Variants in CERT1 observed in about 807,000 individuals in gnomAD.
CERT1 encodes the protein ceramide transfer protein.
A neutral mutation model predicts 87.9 loss-of-function variants in CERT1; 31 were observed. The ratio of observed to expected loss-of-function variants is 0.35; its 90% confidence interval spans 0.27 to 0.48. The LOEUF (loss-of-function observed/expected upper bound fraction) is 0.48. Among genes scored for constraint, CERT1 ranks in the 20% least tolerant of loss-of-function variants. The pLI is 0.99. For missense variants in CERT1, 487 were observed against 758.0 expected (o/e 0.64, Z 4.20); for synonymous variants, 289 against 250.9 (o/e 1.15, Z -1.44).
intron 2 of CERT1, 73 bp downstream of exon 2, chr5:75,505,909 C>G (rs1767629399): frequency 8.6e-7 from 1 of 1,168,454 alleles, no homozygotes; most frequent in South Asian, 1.3e-5. Flanking sequence ...GTATCCTGAA[C>G]ACGTAGAACA....
chr5:75,480,800 G>A (rs1303331577), intron 2 of CERT1, among the ~76,000 whole-genome samples: 1 of 152,164 alleles, frequency 6.6e-6, no homozygotes, highest in African/African-American at 2.4e-5. Flanking sequence ...GAATTCATTA[G>A]CAAATCTGCA....
intron 2 of CERT1, among the ~76,000 whole-genome samples, chr5:75,483,482 A>G (rs1311463557): frequency 6.6e-6 from 1 of 152,232 alleles, no homozygotes; most frequent in African/African-American, 2.4e-5. Flanking sequence ...CGATAACAAC[A>G]GAGAAATTAA....
At chr5:75,468,160 A>C (rs1765551802) in intron 2 of CERT1, among the ~76,000 whole-genome samples, 1 of 152,234 alleles carries the variant, frequency 6.6e-6, no homozygotes, top group Non-Finnish European at 1.5e-5. Flanking sequence ...AGGACTCTCC[A>C]GTGATCATCC....
At chr5:75,508,003 C>T (rs1767734127) in intron 1 of CERT1, among the ~76,000 whole-genome samples, 1 of 152,052 alleles carries the variant, frequency 6.6e-6, no homozygotes, top group African/African-American at 2.4e-5. Flanking sequence ...TCTCTAGTAT[C>T]TTCTGTTTTT....
At chr5:75,370,228 T>C (rs1385814419) in intron 17 of CERT1, 1 of 152,234 alleles carries the variant, frequency 6.6e-6, no homozygotes, top group African/African-American at 2.4e-5. Context: ...GGATGGCATG[T>C]ATCTTTGAAC....
chr5:75,483,220 G>C (rs1424114906), intron 2 of CERT1, among the ~76,000 whole-genome samples: 1 of 152,138 alleles, frequency 6.6e-6, no homozygotes, highest in Non-Finnish European at 1.5e-5. Flanking sequence ...AAATTCTAGA[G>C]CTGAAAAATC....
intron 2 of CERT1, among the ~76,000 whole-genome samples, chr5:75,469,981 T>C (rs1045377810): frequency 6.6e-6 from 1 of 152,172 alleles, no homozygotes; most frequent in Non-Finnish European, 1.5e-5. Context: ...AAGGTTATTA[T>C]ATATTGATAA....
chr5:75,456,937 C>T (rs1580796753), intron 3 of CERT1, among the ~76,000 whole-genome samples: 2 of 152,036 alleles, frequency 1.3e-5, no homozygotes, highest in East Asian at 3.9e-4. Flanking sequence ...TGTCATTGGA[C>T]TTAACAGAGA....
At chr5:75,384,444 A>T (rs1761706435) in intron 14 of CERT1, among the ~76,000 whole-genome samples, 198 bp downstream of exon 14, 1 of 152,250 alleles carries the variant, frequency 6.6e-6, no homozygotes, top group Non-Finnish European at 1.5e-5. Context: ...TGTATCTCTC[A>T]GATTCTTGCC....
Position 75,381,274 on chromosome 5 carries a change from AG to A in CERT1, c.1618-74del, listed in dbSNP as rs2111991918. ...AACTCTGCTGGTCTAATATTATATT[AG>A]GTTAACCAAAATCGTAACTCTTAAA... On this transcript the variant is annotated intron_variant, in intron 15 of 16. Coordinates refer to ENST00000643780, the MANE Select transcript of CERT1 (RefSeq NM_001379029.1). The A allele has an allele frequency of 8.5e-6, 13 of 1,532,624 alleles. No individual in the cohort carries two copies. In the South Asian group the frequency reaches 1.5e-4, roughly 18 times the overall value. 94.9% of individuals were successfully genotyped at this position (1,532,624 alleles called of 1,614,324 possible).
At chr5:75,467,910 T>C (rs1765539741) in intron 2 of CERT1, among the ~76,000 whole-genome samples, 1 of 152,232 alleles carries the variant, frequency 6.6e-6, no homozygotes, top group East Asian at 1.9e-4. Context: ...GGAACCCATT[T>C]ACTCTATTTT....
chr5:75,389,557 CCTTTGG>C (rs1379903413), intron 12 of CERT1, 29 bp downstream of exon 12: 2 of 1,512,244 alleles, frequency 1.3e-6, no homozygotes, highest in African/African-American at 1.4e-5. Context: ...AACAGAGACG[CCTTTGG>C]CAATCTATAA....
In CERT1 at chr5:75,427,053, A is replaced by C. The variant is rs79901774; in HGVS notation, c.349-575T>G. Among the ~76,000 whole-genome samples, 320 of 152,258 alleles carry C rather than the reference A, an allele frequency of 2.1e-3. 1 individual carries two copies. In the East Asian group the frequency reaches 0.027, roughly 13 times the overall value. On this transcript the variant is annotated intron_variant, in intron 3 of 16. Coordinates refer to ENST00000643780, the MANE Select transcript of CERT1 (RefSeq NM_001379029.1). Reference sequence around the variant, plus strand: ...TTCTGGAAGCAGCTTGTATCTTTTAAATTTTTGTAACCACCTCGACAGTTC... The same window carrying C: ...TTCTGGAAGCAGCTTGTATCTTTTACATTTTTGTAACCACCTCGACAGTTC...
At chr5:75,499,632 A>G (rs150239907) in intron 2 of CERT1, among the ~76,000 whole-genome samples, 8 of 152,326 alleles carry the variant, frequency 5.3e-5, no homozygotes, top group African/African-American at 1.9e-4. Flanking sequence ...GGACTAATAC[A>G]CACAGTTAAG....
At chr5:75,462,865 G>A (rs1431752838) in intron 2 of CERT1, among the ~76,000 whole-genome samples, 3 of 151,576 alleles carry the variant, frequency 2.0e-5, no homozygotes, top group Admixed American at 6.6e-5. Context: ...GGTGGCGCGC[G>A]CCTGTAGTCC....
At chr5:75,461,184 A>C (rs1765212462) in intron 2 of CERT1, among the ~76,000 whole-genome samples, 1 of 152,212 alleles carries the variant, frequency 6.6e-6, no homozygotes, top group Admixed American at 6.5e-5. Flanking sequence ...ATGGGCTGTT[A>C]GTAACTGGGC....
At chr5:75,449,833 T>A (rs1764704845) in intron 3 of CERT1, among the ~76,000 whole-genome samples, 1 of 152,194 alleles carries the variant, frequency 6.6e-6, no homozygotes, top group Non-Finnish European at 1.5e-5. Context: ...TTCAGCATCC[T>A]ATTATGAAGC....
intron 1 of CERT1, among the ~76,000 whole-genome samples, chr5:75,510,595 A>C (rs1767904346): frequency 6.6e-6 from 1 of 152,140 alleles, no homozygotes; most frequent in South Asian, 2.1e-4. Context: ...AAAGTCCTCC[A>C]CATTCATCTG....
intron 12 of CERT1, among the ~76,000 whole-genome samples, chr5:75,388,872 G>C (rs1333965370): frequency 6.6e-6 from 1 of 151,854 alleles, no homozygotes; most frequent in Non-Finnish European, 1.5e-5. Flanking sequence ...TAATCCGCCT[G>C]CCATGTCCTC....
Sources: gnomAD v4.1 joint callset for allele counts (sites outside exome capture counted in the v4.1 genomes callset) on GRCh38, gnomAD v4.1.1 for gene constraint, MANE v1.5 for transcripts, NCBI Gene and HGNC (gene_info 2026-07-23, HGNC 2026-07-21) for gene names.